The following CEP43 variants were observed in gnomAD, a reference collection of about 807,000 sequenced individuals.
The protein encoded by CEP43 is FGFR1 oncogene partner.
In CEP43, 36 loss-of-function variants were observed where a neutral mutation model predicts 52.6. That is an observed-to-expected ratio of 0.68 (90% CI 0.52 to 0.90). The LOEUF (loss-of-function observed/expected upper bound fraction) is 0.90. Among genes scored for constraint, CEP43 ranks in the 40% least tolerant of loss-of-function variants. The pLI, the probability that CEP43 is intolerant of heterozygous loss-of-function variation, is 0.00. For missense variants in CEP43, 506 were observed against 472.8 expected (o/e 1.07, Z -0.65); for synonymous variants, 192 against 172.4 (o/e 1.11, Z -0.89).
chr6:167,013,694 C>A, intron 7 of CEP43, 127 bp downstream of exon 7: 1 of 746,534 alleles, frequency 1.3e-6, no homozygotes, highest in Non-Finnish European at 2.3e-6. Context: ...TCACTTGAGG[C>A]TGGGCTAGGT....
In CEP43 at chr6:167,045,370, G is replaced by A. The variant is rs1230483385; in HGVS notation, c.*5392G>A. 1.6e-5 allele frequency: 2 copies of A among 122,948 alleles called. No individual in the cohort carries two copies. The highest frequency in any genetic ancestry group is 2.8e-5 in the African/African-American group (1 of 36,112). 7.6% of individuals were successfully genotyped at this position (122,948 alleles called of 1,614,324 possible). On this transcript the variant is annotated 3_prime_UTR_variant, in exon 13 of 13. Transcript: ENST00000366847. ...CCGCACCCCTCCCCGCCCCCCCCGC[G>A]GCCCAGCCTCCCAAAGTGCTGGGAT... is the stretch of plus-strand genomic sequence containing the variant.
At chr6:167,016,363 C>T (rs1331400233) in intron 7 of CEP43, among the ~76,000 whole-genome samples, 3 of 152,068 alleles carry the variant, frequency 2.0e-5, no homozygotes, top group Non-Finnish European at 4.4e-5. Context: ...GGTCAAGTGC[C>T]CACTTCAGCC....
At chr6:167,017,574 T>G (rs568504148) in intron 7 of CEP43, among the ~76,000 whole-genome samples, 5 of 151,968 alleles carry the variant, frequency 3.3e-5, no homozygotes, top group Non-Finnish European at 7.4e-5. Flanking sequence ...ATGAACAGTT[T>G]GGAAAAAAAT....
chr6:167,028,798 C>T (rs1379221163), intron 10 of CEP43, among the ~76,000 whole-genome samples: 2 of 152,144 alleles, frequency 1.3e-5, no homozygotes, highest in African/African-American at 2.4e-5. Context: ...GTTTTACTGC[C>T]TGTATGTTAT....
chr6:167,008,466 T>C (rs925199348), intron 5 of CEP43, among the ~76,000 whole-genome samples: 2 of 151,998 alleles, frequency 1.3e-5, no homozygotes, highest in East Asian at 1.9e-4. Context: ...CATTGTGATT[T>C]TTTTTTGTTT....
In CEP43 at chr6:167,048,582, A is replaced by G. The variant is rs555410339; in HGVS notation, c.*8604A>G. On this transcript the variant is annotated 3_prime_UTR_variant, in exon 13 of 13. Transcript: ENST00000366847. ...TGTAACAAACTATCTTTCAAATTATATCAAAACAGTGATTCATAAATTCCA... is the reference window on the plus strand; with the variant it reads ...TGTAACAAACTATCTTTCAAATTATGTCAAAACAGTGATTCATAAATTCCA... The G allele has an allele frequency of 6.6e-6, 1 of 152,302 alleles. No individual in the cohort carries two copies. Among genetic ancestry groups the G allele is most frequent in the African/African-American group, 2.4e-5 (1 of 41,564 alleles). The allele number at this position is 152,302 out of a possible 1,614,324, so 9.4% of individuals were successfully genotyped here.
At chr6:167,032,087 C>T (rs1260042941) in intron 10 of CEP43, among the ~76,000 whole-genome samples, 1 of 152,218 alleles carries the variant, frequency 6.6e-6, no homozygotes, top group Non-Finnish European at 1.5e-5. Flanking sequence ...CCAGAAAGGG[C>T]ACCTCACATT....
chr6:167,016,440 T>C (rs890810102), intron 7 of CEP43, among the ~76,000 whole-genome samples: 5 of 152,194 alleles, frequency 3.3e-5, no homozygotes, highest in African/African-American at 1.2e-4. Context: ...AATGTTTTCA[T>C]GTAGAGGCAG....
chr6:167,021,538 T>C (rs1780231093), intron 7 of CEP43, among the ~76,000 whole-genome samples: 1 of 152,160 alleles, frequency 6.6e-6, no homozygotes, highest in African/African-American at 2.4e-5. Flanking sequence ...ATTATTAACA[T>C]AGACCCGTCT....
Position 167,003,185 on chromosome 6 carries a change from T to G in CEP43, c.157-8T>G. On this transcript the variant is annotated splice_polypyrimidine_tract_variant and splice_region_variant and intron_variant, in intron 2 of 12. Coordinates refer to ENST00000366847, the MANE Select transcript of CEP43 (RefSeq NM_007045.4). Reference sequence around the variant, plus strand: ...CACATGACACTTAAATTTTTTTTTTTTTAACAGAACAAAACTCCTTTAGTT... The same window carrying G: ...CACATGACACTTAAATTTTTTTTTTGTTAACAGAACAAAACTCCTTTAGTT... 7.3e-7 allele frequency: 1 copy of G among 1,374,134 alleles called. No individual in the cohort carries two copies. The highest frequency in any genetic ancestry group is 1.0e-6 in the Non-Finnish European group (1 of 999,468). 85.1% of individuals were successfully genotyped at this position (1,374,134 alleles called of 1,614,324 possible).
At chr6:167,022,744 TC>T in intron 8 of CEP43, 109 bp downstream of exon 8, 1 of 764,354 alleles carries the variant, frequency 1.3e-6, no homozygotes, top group Non-Finnish European at 2.1e-6. Context: ...AATTATTGGA[TC>T]CATAAATCTG....
chr6:166,999,759 G>A (rs1354005042), intron 1 of CEP43: 2 of 512,378 alleles, frequency 3.9e-6, no homozygotes, highest in Non-Finnish European at 6.8e-6. Context: ...GCCTCATTCC[G>A]TGGGGGCGGG....
chr6:167,047,254 A>AG lies in CEP43; in HGVS notation c.*7280dup, dbSNP rs1480470975. ...AGGAGCACAGGCCACCCTAGACAGG[A>AG]GGGGTCCCCTACTGACAGGGAGGTG... is the stretch of plus-strand genomic sequence containing the variant. On this transcript the variant is annotated 3_prime_UTR_variant, in exon 13 of 13. Coordinates refer to ENST00000366847, the MANE Select transcript of CEP43 (RefSeq NM_007045.4). 2 of 152,242 alleles carry AG rather than the reference A, an allele frequency of 1.3e-5. No individual in the cohort carries two copies. Among genetic ancestry groups the AG allele is most frequent in the Non-Finnish European group, 2.9e-5 (2 of 68,062 alleles). 9.4% of individuals were successfully genotyped at this position (152,242 alleles called of 1,614,324 possible). A position where few individuals can be genotyped will look rare whatever the true frequency, so the allele number is the denominator to read the frequency against.
chr6:167,041,844 G>GGGCCCC lies in CEP43; in HGVS notation c.*1866_*1867insGGCCCC. ...TCTTTTTTTTGCGGGGGGCGGGGGG[G>GGGCCCC]ACAGAGTCTCACTGTGTCACTCAGA... On this transcript the variant is annotated 3_prime_UTR_variant, in exon 13 of 13. Coordinates refer to ENST00000366847, the MANE Select transcript of CEP43 (RefSeq NM_007045.4). The GGGCCCC allele has an allele frequency of 2.1e-5, 3 of 144,928 alleles. No homozygotes were observed. The highest frequency in any genetic ancestry group is 3.7e-5 in the Non-Finnish European group (3 of 80,402). The allele number at this position is 144,928 out of a possible 1,614,324, so 9.0% of individuals were successfully genotyped here.
chr6:167,027,814 G>C lies in CEP43; in HGVS notation c.988+1199G>C, dbSNP rs1221836995. The C allele has an allele frequency of 4.3e-6, 4 of 930,412 alleles. No homozygotes were observed. In the African/African-American group the frequency reaches 7.1e-5, roughly 17 times the overall value. The allele number at this position is 930,412 out of a possible 1,614,324, so 57.6% of individuals were successfully genotyped here. A position where few individuals can be genotyped will look rare whatever the true frequency, so the allele number is the denominator to read the frequency against. ...TAAAGTACAGTGGCTGGCATGGTAG[G>C]TGCCTAGTAAATGTTAGTTTTCTTT... On this transcript the variant is annotated intron_variant, in intron 10 of 12. Coordinates refer to ENST00000366847, the MANE Select transcript of CEP43 (RefSeq NM_007045.4).
At chr6:167,007,087 C>A (rs994663969) in intron 5 of CEP43, among the ~76,000 whole-genome samples, 1 of 152,200 alleles carries the variant, frequency 6.6e-6, no homozygotes, top group Non-Finnish European at 1.5e-5. Flanking sequence ...TTCACATGTG[C>A]TCTGGATTCA....
intron 5 of CEP43, among the ~76,000 whole-genome samples, chr6:167,009,848 A>G (rs1438395211): frequency 6.9e-6 from 1 of 144,454 alleles, no homozygotes; most frequent in Admixed American, 6.7e-5. Context: ...AAAAAAGAAA[A>G]ATAAAAGAAA....
chr6:167,016,617 G>A (rs1780105568), intron 7 of CEP43, among the ~76,000 whole-genome samples: 1 of 152,172 alleles, frequency 6.6e-6, no homozygotes, highest in African/African-American at 2.4e-5. Context: ...CACATTACGT[G>A]TAGGTTTTGG....
At chr6:167,028,944 T>C (rs1289147972) in intron 10 of CEP43, among the ~76,000 whole-genome samples, 1 of 151,994 alleles carries the variant, frequency 6.6e-6, no homozygotes, top group Non-Finnish European at 1.5e-5. Flanking sequence ...CCAAAAGGAG[T>C]GTTTATAGAT....
Sources: allele counts gnomAD v4.1 joint callset (sites outside exome capture counted in the v4.1 genomes callset), GRCh38; gene constraint gnomAD v4.1.1; transcripts MANE v1.5; gene names NCBI Gene and HGNC (gene_info 2026-07-23, HGNC 2026-07-21).